CDK14: variants seen among roughly 807,000 people sequenced by gnomAD.
The protein encoded by CDK14 is cyclin dependent kinase 14, also known as cyclin-dependent kinase 14.
Under a neutral mutation model 60.7 loss-of-function variants are expected in CDK14, and 34 were observed. The ratio of observed to expected loss-of-function variants is 0.56; its 90% confidence interval spans 0.43 to 0.75. The LOEUF (loss-of-function observed/expected upper bound fraction) is 0.75, where lower values mean the gene tolerates loss of function less well. CDK14 is among the 30% of genes least tolerant of loss of function. The pLI is 0.00. For synonymous variants in CDK14, 197 were observed against 203.7 expected (o/e 0.97, Z 0.28); for missense variants, 482 against 564.1 (o/e 0.85, Z 1.47).
chr7:90,867,653 A>T (rs1584064265), intron 6 of CDK14, among the ~76,000 whole-genome samples: 1 of 152,122 alleles, frequency 6.6e-6, no homozygotes, highest in East Asian at 1.9e-4. Context: ...TTCAGTGGGT[A>T]TAAAGTTTCA....
Position 90,864,696 on chromosome 7 carries a change from A to C in CDK14, c.639+1427A>C, listed in dbSNP as rs73709913. On this transcript the variant is annotated intron_variant, in intron 6 of 14. Coordinates refer to ENST00000380050, the MANE Select transcript of CDK14 (RefSeq NM_001287135.2). ...ATATATTTATGGGGCTAAAATGTACATATTGGATCAAGTGTCATTTGACGA... is the reference window on the plus strand; with the variant it reads ...ATATATTTATGGGGCTAAAATGTACCTATTGGATCAAGTGTCATTTGACGA... Among the ~76,000 whole-genome samples, 726 of 152,326 alleles carry C rather than the reference A, an allele frequency of 4.8e-3. 6 individuals are homozygous for C. Among genetic ancestry groups the C allele is most frequent in the African/African-American group, 0.016 (681 of 41,584 alleles).
chr7:91,179,782 G>A (rs1014462160), intron 14 of CDK14, among the ~76,000 whole-genome samples: 1 of 151,484 alleles, frequency 6.6e-6, no homozygotes, highest in South Asian at 2.1e-4. Flanking sequence ...CAGCCTGGGC[G>A]ACAGAGCGAG....
intron 3 of CDK14, among the ~76,000 whole-genome samples, chr7:90,727,720 G>T (rs1290475601): frequency 1.3e-5 from 2 of 151,944 alleles, no homozygotes; most frequent in African/African-American, 4.8e-5. Context: ...ACTGTAAAAT[G>T]CCTCCAAAAC....
At chr7:90,609,280 C>T (rs945499563) in intron 2 of CDK14, among the ~76,000 whole-genome samples, 1 of 152,150 alleles carries the variant, frequency 6.6e-6, no homozygotes, top group Non-Finnish European at 1.5e-5. Context: ...CCATCTCAGC[C>T]TCCTAAAGTG....
chr7:91,158,416 C>A (rs533819342), intron 14 of CDK14, among the ~76,000 whole-genome samples: 1 of 151,844 alleles, frequency 6.6e-6, no homozygotes, highest in South Asian at 2.1e-4. Flanking sequence ...AGGGTTTTGC[C>A]GTGTTTCTCA....
chr7:90,653,996 C>G (rs537264256), intron 2 of CDK14, among the ~76,000 whole-genome samples: 2 of 152,188 alleles, frequency 1.3e-5, no homozygotes, highest in Non-Finnish European at 2.9e-5. Flanking sequence ...AGGACATGAA[C>G]TCATCATTTT....
At chr7:90,830,728 A>G (rs1257160455) in intron 5 of CDK14, among the ~76,000 whole-genome samples, 1 of 152,200 alleles carries the variant, frequency 6.6e-6, no homozygotes, top group Non-Finnish European at 1.5e-5. Flanking sequence ...TTGTGAACAC[A>G]TATGACTCTA....
intron 5 of CDK14, among the ~76,000 whole-genome samples, chr7:90,847,946 C>A (rs982577368): frequency 6.6e-6 from 1 of 151,996 alleles, no homozygotes; most frequent in Non-Finnish European, 1.5e-5. Flanking sequence ...AAAGAGTGTC[C>A]AAGTGTATTT....
At chr7:90,983,383 G>A (rs1795284239) in intron 9 of CDK14, among the ~76,000 whole-genome samples, 2 of 152,108 alleles carry the variant, frequency 1.3e-5, no homozygotes, top group Admixed American at 1.3e-4. Flanking sequence ...CATAAAAAAA[G>A]AATGAAATAG....
intron 14 of CDK14, among the ~76,000 whole-genome samples, chr7:91,196,841 G>A (rs1054379520): frequency 1.3e-5 from 2 of 152,202 alleles, no homozygotes; most frequent in Non-Finnish European, 2.9e-5. Flanking sequence ...AAGAGAGAAG[G>A]CTGCTGGCTC....
At chr7:90,602,566 A>G (rs1210744776) in intron 1 of CDK14, among the ~76,000 whole-genome samples, 1 of 152,234 alleles carries the variant, frequency 6.6e-6, no homozygotes, top group South Asian at 2.1e-4. Flanking sequence ...TAGAAGTTAA[A>G]TTCTAGTGAA....
chr7:90,658,574 A>C (rs1483750369), intron 2 of CDK14, among the ~76,000 whole-genome samples: 1 of 152,170 alleles, frequency 6.6e-6, no homozygotes, highest in Admixed American at 6.5e-5. Flanking sequence ...GTCTTTTGTC[A>C]CTGTGTTCTT....
At chr7:90,719,216 C>CT (rs1802358978) in intron 2 of CDK14, among the ~76,000 whole-genome samples, 1 of 152,138 alleles carries the variant, frequency 6.6e-6, no homozygotes, top group Non-Finnish European at 1.5e-5. Context: ...CATGACCTAG[C>CT]TACAGCCTGA....
chr7:90,695,810 G>A (rs1801643267), intron 2 of CDK14, among the ~76,000 whole-genome samples: 1 of 152,160 alleles, frequency 6.6e-6, no homozygotes, highest in Non-Finnish European at 1.5e-5. Flanking sequence ...TTAAGGAACA[G>A]GAAGGAGTTC....
intron 5 of CDK14, among the ~76,000 whole-genome samples, chr7:90,841,083 T>G (rs1790273901): frequency 6.6e-6 from 1 of 152,190 alleles, no homozygotes; most frequent in Middle Eastern, 3.2e-3. Context: ...TTTTTTTGCT[T>G]TATACCTTTA....
intron 8 of CDK14, 125 bp from the exon 9 acceptor site, chr7:90,955,572 A>C: frequency 1.0e-6 from 1 of 979,350 alleles, no homozygotes. Context: ...ATTAACCTTG[A>C]TACTGCACTC....
chr7:90,709,567 C>T (rs773503854), intron 2 of CDK14: 1 of 1,613,244 alleles, frequency 6.2e-7, no homozygotes, highest in Non-Finnish European at 8.5e-7. Context: ...GGCTGCAATG[C>T]TGCTGCAGAG....
At chr7:90,752,003 A>G (rs781038046) in intron 4 of CDK14, among the ~76,000 whole-genome samples, 6 of 152,234 alleles carry the variant, frequency 3.9e-5, no homozygotes, top group Admixed American at 1.3e-4. Context: ...ATATGCATGC[A>G]ACATTGGAAC....
intron 5 of CDK14, among the ~76,000 whole-genome samples, chr7:90,855,849 G>C (rs1429430296): frequency 6.6e-6 from 1 of 152,180 alleles, no homozygotes; most frequent in Non-Finnish European, 1.5e-5. Flanking sequence ...CCACAATGTG[G>C]AAGTAGCCTG....
Sources: gnomAD v4.1 joint callset for allele counts (sites outside exome capture counted in the v4.1 genomes callset) on GRCh38, gnomAD v4.1.1 for gene constraint, MANE v1.5 for transcripts, NCBI Gene and HGNC (gene_info 2026-07-23, HGNC 2026-07-21) for gene names.